SPEN: variants seen among roughly 807,000 people sequenced by gnomAD.
SPEN encodes the protein msx2-interacting protein.
SPEN carries 18 observed loss-of-function variants against 269.9 expected under a neutral mutation model. That is an observed-to-expected ratio of 0.07 (90% confidence interval 0.05 to 0.10). SPEN has a LOEUF of 0.10. Ranked by LOEUF, SPEN falls within the 10% of genes least tolerant of loss-of-function variation. SPEN has a pLI of 1.00. For synonymous variants in SPEN, 1,726 were observed against 1,765.7 expected (o/e 0.98, Z 0.56); for missense variants, 3,822 against 4,631.2 (o/e 0.83, Z 5.07).
intron 1 of SPEN, among the ~76,000 whole-genome samples, chr1:15,860,790 C>T (rs543457761): frequency 5.9e-5 from 9 of 151,642 alleles, no homozygotes; most frequent in South Asian, 2.1e-4. Context: ...TTAGTAGAGA[C>T]GGGGTTTCAC....
chr1:15,925,460 T>C (rs2071157617), intron 10 of SPEN, among the ~76,000 whole-genome samples: 1 of 152,234 alleles, frequency 6.6e-6, no homozygotes, highest in Admixed American at 6.5e-5. Flanking sequence ...GAACTGCTTA[T>C]TTCTTTTGTT....
Position 15,911,896 on chromosome 1 carries a change from G to A in SPEN, c.1243+595G>A, listed in dbSNP as rs1398654900. ...GAATCGTGTGAACCCGGGAGGTCAAGGTTGTAGTGAGCTGAGATTGCACCA... is the reference window on the plus strand; with the variant it reads ...GAATCGTGTGAACCCGGGAGGTCAAAGTTGTAGTGAGCTGAGATTGCACCA... On this transcript the variant is annotated intron_variant, in intron 5 of 14. Coordinates refer to ENST00000375759, the MANE Select transcript of SPEN (RefSeq NM_015001.3). Among the ~76,000 whole-genome samples the A allele has an allele frequency of 3.9e-5, 6 of 152,364 alleles. No homozygotes were observed. In the East Asian group the frequency reaches 1.2e-3, roughly 29 times the overall value.
At chr1:15,887,221 T>G (rs1172210352) in intron 3 of SPEN, among the ~76,000 whole-genome samples, 1 of 151,692 alleles carries the variant, frequency 6.6e-6, no homozygotes, top group Admixed American at 6.6e-5. Flanking sequence ...AGCTATCCGC[T>G]TGCCTTTGCC....
At chr1:15,858,381 T>C (rs779980845) in intron 1 of SPEN, among the ~76,000 whole-genome samples, 14 of 152,192 alleles carry the variant, frequency 9.2e-5, no homozygotes, top group Non-Finnish European at 1.8e-4. Flanking sequence ...CCTTCCACTC[T>C]AAATTCTCTA....
At position 15,934,692 on chromosome 1, in the gene SPEN, A is replaced by C; in HGVS notation, c.8452A>C (p.Ser2818Arg). The change falls in exon 11 of 15, where the codon AGT becomes CGT. Residue 2818 changes from serine to arginine, a missense_variant. Around this residue, in one of 16 missense-constraint regions of SPEN, gnomAD observed 329 missense variants for 431.2 expected, o/e 0.76. Coordinates refer to ENST00000375759, the MANE Select transcript of SPEN (RefSeq NM_015001.3). The surrounding 1 kb of genome is among the most constrained non-coding windows in gnomAD (Gnocchi z 9.2). Reference protein sequence around the residue: ...VNTSEGVVLLSYSGQKTEGPQ... With the variant: ...VNTSEGVVLLRYSGQKTEGPQ... ...CACTTCTGAAGGGGTTGTGCTCCTGAGTTACTCAGGGCAGAAGACCGAAGG... is the reference window on the plus strand; with the variant it reads ...CACTTCTGAAGGGGTTGTGCTCCTGCGTTACTCAGGGCAGAAGACCGAAGG... 1 of 1,614,068 alleles carries C rather than the reference A, an allele frequency of 6.2e-7. No homozygotes were observed. Among genetic ancestry groups the C allele is most frequent in the Non-Finnish European group, 8.5e-7 (1 of 1,180,020 alleles).
At chr1:15,886,118 G>T (rs1570005469) in intron 3 of SPEN, among the ~76,000 whole-genome samples, 1 of 152,184 alleles carries the variant, frequency 6.6e-6, no homozygotes, top group East Asian at 1.9e-4. Flanking sequence ...GTAAAGTTTT[G>T]TTTTTTTGTT....
chr1:15,938,945 A>G (rs539714384), intron 14 of SPEN, 69 bp downstream of exon 14: 5 of 1,548,796 alleles, frequency 3.2e-6, no homozygotes, highest in South Asian at 1.2e-5. Flanking sequence ...AGGTGGGCCT[A>G]CTCATCTGGT....
Position 15,934,868 on chromosome 1 carries a change from C to G in SPEN, c.8628C>G (p.Gly2876=). ...PPSKGPQAPA[G]YANVATHSTL... ...CCAAAGGCCCTCAAGCTCCTGCAGG[C>G]TATGCGAACGTGGCCACCCATTCCA... Residue 2876 remains glycine, a synonymous_variant, in exon 11 of 15, where the codon GGC becomes GGG. Transcript: ENST00000375759. This position sits in a 1 kb window ranked among gnomAD's most constrained non-coding sequence, Gnocchi z 9.2. The G allele has an allele frequency of 6.2e-7, 1 of 1,614,190 alleles. No homozygotes were observed. The highest frequency in any genetic ancestry group is 8.5e-7 in the Non-Finnish European group (1 of 1,180,028).
At chr1:15,873,207 G>T in intron 2 of SPEN, 71 bp downstream of exon 2, 1 of 1,491,462 alleles carries the variant, frequency 6.7e-7, no homozygotes, top group East Asian at 2.3e-5. Flanking sequence ...TCATATTTAG[G>T]GGCCCCAGAT....
intron 1 of SPEN, among the ~76,000 whole-genome samples, chr1:15,868,678 C>T (rs1357588324): frequency 1.3e-5 from 2 of 152,044 alleles, no homozygotes; most frequent in Non-Finnish European, 2.9e-5. Context: ...TCGTGATCCG[C>T]CTGCCTTGGC....
chr1:15,865,302 C>T (rs1207240184), intron 1 of SPEN, among the ~76,000 whole-genome samples: 1 of 151,262 alleles, frequency 6.6e-6, no homozygotes, highest in Non-Finnish European at 1.5e-5. Context: ...ATCTGCCGGC[C>T]TCGGCCTCCC....
At chr1:15,916,335 A>G in intron 6 of SPEN, 56 bp downstream of exon 6, 2 of 1,528,936 alleles carry the variant, frequency 1.3e-6, no homozygotes, top group Non-Finnish European at 1.8e-6. Flanking sequence ...CACATAAAGC[A>G]TAGTACAGAT....
At chr1:15,852,163 T>C (rs1166436589) in intron 1 of SPEN, among the ~76,000 whole-genome samples, 1 of 152,190 alleles carries the variant, frequency 6.6e-6, no homozygotes, top group African/African-American at 2.4e-5. Flanking sequence ...TCCTGACTAC[T>C]AGGGATATTT....
chr1:15,890,597 C>T (rs2070779787), intron 3 of SPEN, among the ~76,000 whole-genome samples: 1 of 140,028 alleles, frequency 7.1e-6, no homozygotes, highest in Non-Finnish European at 1.5e-5. Flanking sequence ...GGGTCTTGCT[C>T]TGCTTCCCAG....
chr1:15,871,423 C>G (rs895737282), intron 1 of SPEN, among the ~76,000 whole-genome samples: 32 of 152,256 alleles, frequency 2.1e-4, no homozygotes, highest in Admixed American at 4.6e-4. Flanking sequence ...ACACTGCAAT[C>G]TCCACCTCCT....
intron 10 of SPEN, among the ~76,000 whole-genome samples, chr1:15,926,213 C>A (rs1318468179): frequency 1.3e-5 from 2 of 152,000 alleles, no homozygotes; most frequent in Non-Finnish European, 2.9e-5. Context: ...CTGGCCAACA[C>A]AGTGAAACCT....
At chr1:15,863,329 G>A (rs1241614945) in intron 1 of SPEN, among the ~76,000 whole-genome samples, 1 of 152,052 alleles carries the variant, frequency 6.6e-6, no homozygotes, top group African/African-American at 2.4e-5. Context: ...GCCTGCAATA[G>A]TTCTGAAGAA....
chr1:15,927,049 G>T (rs995650654), intron 10 of SPEN, among the ~76,000 whole-genome samples: 1 of 152,230 alleles, frequency 6.6e-6, no homozygotes, highest in Non-Finnish European at 1.5e-5. Flanking sequence ...AATGAGCCAG[G>T]TGTATCTACA....
At chr1:15,913,718 A>G (rs763987569) in intron 5 of SPEN, among the ~76,000 whole-genome samples, 2 of 151,928 alleles carry the variant, frequency 1.3e-5, no homozygotes, top group Non-Finnish European at 2.9e-5. Flanking sequence ...GGGAGACCCC[A>G]TCTCTACAAA....
Sources: gnomAD v4.1 joint callset for allele counts (sites outside exome capture counted in the v4.1 genomes callset) on GRCh38, gnomAD v4.1.1 for gene constraint, gnomAD v4.1.1 regional missense constraint, Gnocchi (gnomAD v3.1) non-coding constraint, MANE v1.5 for transcripts, NCBI Gene and HGNC (gene_info 2026-07-23, HGNC 2026-07-21) for gene names.